The following ERICH1 variants were observed in gnomAD, a reference collection of about 807,000 sequenced individuals.
The protein encoded by ERICH1 is glutamate rich 1.
In ERICH1, 56 loss-of-function variants were observed where a neutral mutation model predicts 39.6. The ratio of observed to expected loss-of-function variants is 1.41; its 90% CI spans 1.14 to 1.77. The LOEUF (loss-of-function observed/expected upper bound fraction) is 1.77, where lower values mean the gene tolerates loss of function less well. Among genes scored for constraint, ERICH1 ranks in the 40% most tolerant of loss-of-function variants. The pLI is 0.00. For missense variants in ERICH1, 826 were observed against 575.4 expected, an observed-to-expected ratio of 1.44 and a Z score of -4.45; for synonymous variants, 313 against 223.6, an observed-to-expected ratio of 1.40 and a Z score of -3.57.
chr8:622,058 A>T (rs1797315779), intron 3 of ERICH1, among the ~76,000 whole-genome samples: 1 of 152,052 alleles, frequency 6.6e-6, no homozygotes, highest in African/African-American at 2.4e-5. Flanking sequence ...ACAGAAAATA[A>T]AAATGAAAAA....
chr8:628,125 C>A (rs1584950908), intron 3 of ERICH1, among the ~76,000 whole-genome samples: 1 of 152,202 alleles, frequency 6.6e-6, no homozygotes, highest in African/African-American at 2.4e-5. Context: ...CATGAGGAAG[C>A]AACATGGCTT....
chr8:660,793 G>A (rs1011949006), downstream of ERICH1, among the ~76,000 whole-genome samples: 1 of 152,198 alleles, frequency 6.6e-6, no homozygotes, highest in Non-Finnish European at 1.5e-5. Context: ...GCTAAGATCC[G>A]CAGCTTTCGA....
At chr8:679,251 C>A (rs113152972) in intron 3 of ERICH1, among the ~76,000 whole-genome samples, 1 of 148,594 alleles carries the variant, frequency 6.7e-6, no homozygotes, top group African/African-American at 2.5e-5. Context: ...TCAGCTCCGA[C>A]CCCTCACAGC....
intron 2 of ERICH1, among the ~76,000 whole-genome samples, chr8:697,514 G>T (rs1484355779): frequency 6.6e-6 from 1 of 152,180 alleles, no homozygotes. Context: ...AGGCCTGCAG[G>T]TCCCCAGCCC....
At chr8:730,077 C>T (rs1415409190) in intron 1 of ERICH1, among the ~76,000 whole-genome samples, 1 of 152,114 alleles carries the variant, frequency 6.6e-6, no homozygotes, top group Non-Finnish European at 1.5e-5. Context: ...GCCCTGCTTC[C>T]AGGAGAGGGT....
intron 3 of ERICH1, among the ~76,000 whole-genome samples, chr8:619,451 T>C (rs908942954): frequency 5.3e-5 from 8 of 152,150 alleles, no homozygotes; most frequent in Admixed American, 2.6e-4. Context: ...TTATAACATA[T>C]AGAAACGTAA....
At chr8:718,278 T>C (rs969012141) in intron 1 of ERICH1, among the ~76,000 whole-genome samples, 4 of 152,022 alleles carry the variant, frequency 2.6e-5, no homozygotes, top group African/African-American at 4.8e-5. Context: ...AGGGTACGGA[T>C]TGGAGCGCAC....
At chr8:619,162 GCT>G in intron 3 of ERICH1, among the ~76,000 whole-genome samples, 1 of 152,144 alleles carries the variant, frequency 6.6e-6, no homozygotes, top group South Asian at 2.1e-4. Context: ...CCAGTCTGGG[GCT>G]CTGGCCACCT....
In ERICH1 at chr8:627,672, G is replaced by A. The variant is rs578204687; in HGVS notation, c.977-12388C>T. ...GTGCCTCCCTGCACCACCTGAACCCGAAAGCAAGGCCACAGGGCTGTTGCT... is the reference window on the plus strand; with the variant it reads ...GTGCCTCCCTGCACCACCTGAACCCAAAAGCAAGGCCACAGGGCTGTTGCT... On this transcript the variant is annotated intron_variant, in intron 3 of 3. Coordinates refer to the ERICH1 transcript ENST00000522706. Among the ~76,000 whole-genome samples, 8 of 152,302 alleles carry A rather than the reference G, an allele frequency of 5.3e-5. No homozygotes were observed. In the South Asian group the frequency reaches 1.0e-3, roughly 20 times the overall value.
At chr8:716,243 CCTCT>C (rs1815968550) in intron 1 of ERICH1, among the ~76,000 whole-genome samples, 1 of 152,250 alleles carries the variant, frequency 6.6e-6, no homozygotes, top group South Asian at 2.1e-4. Flanking sequence ...ATCAGCTGAC[CCTCT>C]CTCCAGGGCA....
In ERICH1 at chr8:675,184, GTGAGGACAGAGAC is replaced by G. The variant is rs1274786475; in HGVS notation, c.305-1150_305-1138del. ...GAGGACAGAGACGCGGCGGCCCCTC[GTGAGGACAGAGAC>G]GCGGCGCCCCCTCGTGAGGACAGAG... On this transcript the variant is annotated intron_variant, in intron 3 of 5. Transcript: ENST00000262109. Among the ~76,000 whole-genome samples the G allele has an allele frequency of 2.1e-3, 64 of 30,632 alleles. 9 individuals carry two copies. Among genetic ancestry groups the G allele is most frequent in the Middle Eastern group, 0.013 (1 of 78 alleles). The allele number at this position is 30,632 out of a possible 152,430, so 20.1% of individuals were successfully genotyped here.
chr8:636,986 G>C (rs551167853), intron 3 of ERICH1, among the ~76,000 whole-genome samples: 7 of 152,226 alleles, frequency 4.6e-5, no homozygotes, highest in African/African-American at 1.7e-4. Flanking sequence ...CGGAGGGTTG[G>C]TTCAGGACTT....
chr8:653,186 G>T (rs969265829), intron 3 of ERICH1, among the ~76,000 whole-genome samples: 12 of 152,226 alleles, frequency 7.9e-5, no homozygotes, highest in African/African-American at 2.9e-4. Context: ...CAGCCAAAAG[G>T]TGAAAACAGC....
At chr8:642,580 G>A (rs571292727) in intron 3 of ERICH1, among the ~76,000 whole-genome samples, 13 of 151,938 alleles carry the variant, frequency 8.6e-5, no homozygotes, top group South Asian at 4.2e-4. Context: ...TTCTGACCTC[G>A]TGATCTGCCC....
rs745919484 is a variant in ERICH1 at position 731,191 on chromosome 8, G to A, written c.-30C>T. 4.0e-6 allele frequency: 6 copies of A among 1,492,166 alleles called. No individual in the cohort carries two copies. Among genetic ancestry groups the A allele is most frequent in the South Asian group, 3.8e-5 (3 of 78,430 alleles). 92.4% of individuals were successfully genotyped at this position (1,492,166 alleles called of 1,614,324 possible). ...GACCCTGCCGCGGACCTCAGACCAC[G>A]GCGCGCGGTCCTGAGCTGAGCGCCG... On this transcript the variant is annotated 5_prime_UTR_variant, in exon 1 of 6. Coordinates refer to ENST00000262109, the MANE Select transcript of ERICH1 (RefSeq NM_207332.3).
intron 3 of ERICH1, among the ~76,000 whole-genome samples, chr8:679,435 C>T (rs1440473717): frequency 1.3e-5 from 2 of 150,292 alleles, no homozygotes. Flanking sequence ...AAGCTCTGGC[C>T]GTCACAGCTC....
intron 2 of ERICH1, among the ~76,000 whole-genome samples, chr8:709,493 C>T (rs1450077058): frequency 6.6e-6 from 1 of 152,220 alleles, no homozygotes; most frequent in African/African-American, 2.4e-5. Flanking sequence ...CTCGTGCACC[C>T]AACCTTCTCA....
Position 664,323 on chromosome 8 carries a change from T to C in ERICH1, c.*280A>G, listed in dbSNP as rs1198521014. 3.7e-6 allele frequency: 4 copies of C among 1,088,018 alleles called. No individual in the cohort carries two copies. Among genetic ancestry groups the C allele is most frequent in the Non-Finnish European group, 4.5e-6 (4 of 896,732 alleles). The allele number at this position is 1,088,018 out of a possible 1,614,324, so 67.4% of individuals were successfully genotyped here. On this transcript the variant is annotated 3_prime_UTR_variant, in exon 6 of 6. Coordinates refer to ENST00000262109, the MANE Select transcript of ERICH1 (RefSeq NM_207332.3). ...AAACTATACATTTAACTTAACAGAA[T>C]GTCCATTTTCAATTTTTACAATAAG...
At chr8:700,470 A>G (rs71512852) in intron 2 of ERICH1, among the ~76,000 whole-genome samples, 397 of 17,346 alleles carry the variant, frequency 0.023, 10 homozygotes, top group Non-Finnish European at 0.039. Context: ...AGGCGCACAG[A>G]CCCGCACAGG....
Sources: gnomAD v4.1 joint callset for allele counts (sites outside exome capture counted in the v4.1 genomes callset) on GRCh38, gnomAD v4.1.1 for gene constraint, MANE v1.5 for transcripts, NCBI Gene and HGNC (gene_info 2026-07-23, HGNC 2026-07-21) for gene names.